Variants in GPR183 observed in about 807,000 individuals in gnomAD.
GPR183 encodes EBV-induced G-protein coupled receptor 2.
Under a neutral mutation model 19.7 loss-of-function variants are expected in GPR183, and 9 were observed. That is an observed-to-expected ratio of 0.46 (90% CI 0.28 to 0.80). The LOEUF (loss-of-function observed/expected upper bound fraction) is 0.80. GPR183 is among the 30% of genes least tolerant of loss of function. GPR183 has a pLI of 0.13. For missense variants in GPR183, 368 were observed against 446.7 expected, an observed-to-expected ratio of 0.82 and a Z score of 1.59; for synonymous variants, 160 against 155.1, an observed-to-expected ratio of 1.03 and a Z score of -0.24.
Position 99,295,313 on chromosome 13 carries a change from A to T in GPR183, c.833T>A (p.Leu278Gln). 1 of 1,614,186 alleles carries T rather than the reference A, an allele frequency of 6.2e-7. No homozygotes were observed. Among genetic ancestry groups the T allele is most frequent in the African/African-American group, 1.3e-5 (1 of 75,066 alleles). ...GAACGAATGTCTTTGGCTACATTCC[A>T]GGAAATTAGAGAAACGAAGCTTCTT... The part of the protein sequence containing the change: ...MIKKLRFSNF[L>Q]ECSQRHSFQI... Residue 278 changes from leucine (L) to glutamine (Q), a missense_variant, in exon 2 of 2, where the codon CTG becomes CAG. Physicochemically the swap from Leu to Gln is moderately radical, Grantham distance 113 (BLOSUM62 -2). Coordinates refer to ENST00000376414, the MANE Select transcript of GPR183 (RefSeq NM_004951.5). This position sits in a 1 kb window ranked among gnomAD's most constrained non-coding sequence, Gnocchi z 4.1.
chr13:99,297,483 C>T (rs2044194078), intron 1 of GPR183, among the ~76,000 whole-genome samples: 1 of 152,070 alleles, frequency 6.6e-6, no homozygotes, highest in African/African-American at 2.4e-5. Context: ...TGACTTGGAT[C>T]TCAGCTAACT....
chr13:99,295,197 T>C lies in GPR183; in HGVS notation c.949A>G (p.Arg317Gly), dbSNP rs1210379524. The C allele has an allele frequency of 9.9e-6, 16 of 1,614,146 alleles. No homozygotes were observed. The highest frequency in any genetic ancestry group is 1.4e-5 in the Non-Finnish European group (16 of 1,180,018). Residue 317 changes from arginine to glycine, a missense_variant, in exon 2 of 2, where the codon AGA becomes GGA. Coordinates refer to ENST00000376414, the MANE Select transcript of GPR183 (RefSeq NM_004951.5). The surrounding 1 kb of genome is among the most constrained non-coding windows in gnomAD (Gnocchi z 4.1). ...CGTTTCAGCATCCTCATAACCTTTC[T>C]CTTATACCCTTTACATGCAAAGAAG... ...IYFFACKGYK[R>G]KVMRMLKRQV...
chr13:99,295,270 A>G lies in GPR183; in HGVS notation c.876T>C (p.Phe292=), dbSNP rs764369165. The G allele has an allele frequency of 4.3e-6, 7 of 1,614,174 alleles. No individual in the cohort carries two copies. The East Asian group carries it at 1.1e-4, about 26-fold the overall frequency. The change falls in exon 2 of 2, where the codon TTT becomes TTC. Residue 292 remains phenylalanine (F), a synonymous_variant. Transcript: ENST00000376414. The surrounding 1 kb of genome is among the most constrained non-coding windows in gnomAD (Gnocchi z 4.1). ...AATTGAAGTTCATCAGGCATACTGT[A>G]AAGTGCAGAGAAATCTGGAACGAAT... The part of the protein sequence containing the change: ...QRHSFQISLH[F]TVCLMNFNCC...
Position 99,295,238 on chromosome 13 carries a change from A to G in GPR183, c.908T>C (p.Met303Thr), listed in dbSNP as rs1594097671. 1 of 1,614,154 alleles carries G rather than the reference A, an allele frequency of 6.2e-7. No homozygotes were observed. Among genetic ancestry groups the G allele is most frequent in the South Asian group, 1.1e-5 (1 of 91,082 alleles). The change falls in exon 2 of 2, where the codon ATG becomes ACG. Residue 303 changes from methionine to threonine, a missense_variant. Met to Thr is a moderately conservative substitution (Grantham distance 81). Coordinates refer to ENST00000376414, the MANE Select transcript of GPR183 (RefSeq NM_004951.5). The surrounding 1 kb of genome is among the most constrained non-coding windows in gnomAD (Gnocchi z 4.1). Reference sequence around the variant, plus strand: ...TGCAAAGAAGTAGATAAAAGGGTCCATGCAGCAATTGAAGTTCATCAGGCA... The same window carrying G: ...TGCAAAGAAGTAGATAAAAGGGTCCGTGCAGCAATTGAAGTTCATCAGGCA... ...TVCLMNFNCC[M>T]DPFIYFFACK... is the part of the protein sequence containing the mutation.
In GPR183 at chr13:99,295,653, G is replaced by A; in HGVS notation, c.493C>T (p.Pro165Ser). Residue 165 changes from proline (P) to serine (S), a missense_variant, in exon 2 of 2, where the codon CCA becomes TCA. Transcript: ENST00000376414. This position sits in a 1 kb window ranked among gnomAD's most constrained non-coding sequence, Gnocchi z 4.1. ...TTTGACATAGGGTTGATGAGGAGTGGGAGTGTCTGAGCAAATACTAGAATC... is the reference window on the plus strand; with the variant it reads ...TTTGACATAGGGTTGATGAGGAGTGAGAGTGTCTGAGCAAATACTAGAATC... Reference protein sequence around the residue: ...VWILVFAQTLPLLINPMSKQE... With the variant: ...VWILVFAQTLSLLINPMSKQE... The A allele has an allele frequency of 6.2e-7, 1 of 1,614,098 alleles. No individual in the cohort carries two copies. Among genetic ancestry groups the A allele is most frequent in the East Asian group, 2.2e-5 (1 of 44,872 alleles).
At chr13:99,306,971 A>G (rs750336592) in intron 1 of GPR183, among the ~76,000 whole-genome samples, 8 of 152,226 alleles carry the variant, frequency 5.3e-5, no homozygotes, top group South Asian at 2.1e-4. Context: ...GGAATATTCT[A>G]TATTAAAATA....
At chr13:99,304,109 C>T (rs988534950) in intron 1 of GPR183, among the ~76,000 whole-genome samples, 33 of 152,194 alleles carry the variant, frequency 2.2e-4, no homozygotes, top group African/African-American at 6.0e-4. Flanking sequence ...CACACAAGTT[C>T]CCTCATGATC....
chr13:99,302,540 C>T lies in GPR183; in HGVS notation c.-19+4800G>A, dbSNP rs554490866. 3.3e-5 allele frequency among the ~76,000 whole-genome samples: 5 copies of T among 152,344 alleles called. No individual in the cohort carries two copies. In the East Asian group the frequency reaches 9.6e-4, roughly 29 times the overall value. On this transcript the variant is annotated intron_variant, in intron 1 of 1. Transcript: ENST00000376414. Reference sequence around the variant, plus strand: ...ATTTGAAAACGCCTTCTTGTTCAAACAGGGGCATCTAAATTTGGCCCAGTG... The same window carrying T: ...ATTTGAAAACGCCTTCTTGTTCAAATAGGGGCATCTAAATTTGGCCCAGTG...
At chr13:99,302,991 G>A (rs944157879) in intron 1 of GPR183, among the ~76,000 whole-genome samples, 3 of 125,350 alleles carry the variant, frequency 2.4e-5, no homozygotes, top group Admixed American at 8.6e-5. Context: ...ACTGTGGTCC[G>A]TCTGTTTGGG....
In GPR183 at chr13:99,294,855, T is replaced by A. The variant is rs2044143844; in HGVS notation, c.*205A>T. On this transcript the variant is annotated 3_prime_UTR_variant, in exon 2 of 2. Coordinates refer to ENST00000376414, the MANE Select transcript of GPR183 (RefSeq NM_004951.5). Reference sequence around the variant, plus strand: ...TCGTTTACAAATAAAAATGAAATATTTATTTGCATTTTTATTGTGCTTTAT... The same window carrying A: ...TCGTTTACAAATAAAAATGAAATATATATTTGCATTTTTATTGTGCTTTAT... 9.0e-6 allele frequency: 4 copies of A among 443,956 alleles called. No homozygotes were observed. Among genetic ancestry groups the A allele is most frequent in the Admixed American group, 7.9e-5 (2 of 25,264 alleles). The allele number at this position is 443,956 out of a possible 1,614,324, so 27.5% of individuals were successfully genotyped here. A position where few individuals can be genotyped will look rare whatever the true frequency, so the allele number is the denominator to read the frequency against.
intron 1 of GPR183, among the ~76,000 whole-genome samples, chr13:99,300,044 A>T (rs905931205): frequency 6.6e-6 from 1 of 152,194 alleles, no homozygotes; most frequent in African/African-American, 2.4e-5. Context: ...CTAGGCTCTA[A>T]GGGCCATCCT....
chr13:99,307,092 G>A (rs1034051110), intron 1 of GPR183, among the ~76,000 whole-genome samples: 1 of 152,104 alleles, frequency 6.6e-6, no homozygotes, highest in East Asian at 1.9e-4. Context: ...AGTACATGAA[G>A]TGAGCCCTAT....
chr13:99,298,650 T>C (rs1044248735), intron 1 of GPR183, among the ~76,000 whole-genome samples: 1 of 152,104 alleles, frequency 6.6e-6, no homozygotes, highest in Admixed American at 6.5e-5. Context: ...TAATGAAATA[T>C]AAAAGACAAT....
At chr13:99,301,923 A>T (rs1426908960) in intron 1 of GPR183, among the ~76,000 whole-genome samples, 1 of 152,200 alleles carries the variant, frequency 6.6e-6, no homozygotes, top group Non-Finnish European at 1.5e-5. Flanking sequence ...TTATTTTAAT[A>T]ATCATCAACA....
chr13:99,301,492 T>C (rs1202615085), intron 1 of GPR183, among the ~76,000 whole-genome samples: 1 of 152,246 alleles, frequency 6.6e-6, no homozygotes, highest in Non-Finnish European at 1.5e-5. Context: ...GTATTTTTAC[T>C]TATGCTTTGA....
intron 1 of GPR183, among the ~76,000 whole-genome samples, chr13:99,303,302 A>G (rs2138737103): frequency 6.6e-6 from 1 of 152,362 alleles, no homozygotes; most frequent in Middle Eastern, 3.4e-3. Context: ...TGTGCAGCAA[A>G]GACCCACTTC....
chr13:99,295,987 C>A lies in GPR183; in HGVS notation c.159G>T (p.Leu53Phe). The A allele has an allele frequency of 6.2e-7, 1 of 1,613,986 alleles. No individual in the cohort carries two copies. The highest frequency in any genetic ancestry group is 8.5e-7 in the Non-Finnish European group (1 of 1,179,990). ...TTTTCCTGTTTTGAACAATGACGAC[C>A]AAGGCTAGTAAGTTTCCCACGAGCC... Reference protein sequence around the residue: ...IIGLVGNLLALVVIVQNRKKI... With the variant: ...IIGLVGNLLAFVVIVQNRKKI... Residue 53 changes from leucine (L) to phenylalanine (F), a missense_variant, in exon 2 of 2, where the codon TTG becomes TTT. Coordinates refer to ENST00000376414, the MANE Select transcript of GPR183 (RefSeq NM_004951.5). The surrounding 1 kb of genome is among the most constrained non-coding windows in gnomAD (Gnocchi z 4.1).
intron 1 of GPR183, among the ~76,000 whole-genome samples, chr13:99,304,949 A>G (rs2044310082): frequency 6.6e-6 from 1 of 152,222 alleles, no homozygotes; most frequent in Non-Finnish European, 1.5e-5. Context: ...AAGAGAGACT[A>G]GGAGAACTGG....
intron 1 of GPR183, among the ~76,000 whole-genome samples, chr13:99,296,605 C>G (rs1173978404): frequency 6.6e-6 from 1 of 151,706 alleles, no homozygotes; most frequent in Non-Finnish European, 1.5e-5. Context: ...TTTTTTTTAA[C>G]CAAATGCATA....
Sources: allele counts gnomAD v4.1 joint callset (sites outside exome capture counted in the v4.1 genomes callset), GRCh38; gene constraint gnomAD v4.1.1; non-coding constraint Gnocchi (gnomAD v3.1); transcripts MANE v1.5; gene names NCBI Gene and HGNC (gene_info 2026-07-23, HGNC 2026-07-21).